The following RP1 variants were observed in gnomAD, a reference collection of about 807,000 sequenced individuals.
RP1 encodes the protein RP1 axonemal microtubule associated.
In RP1, 16 loss-of-function variants were observed where a neutral mutation model predicts 14.8. The observed-to-expected ratio is 1.08, with a 90% CI of 0.73 to 1.65. RP1 has a LOEUF of 1.65. RP1 is among the 40% of genes most tolerant of loss of function. The pLI is 0.00. For missense variants in RP1, 2,631 were observed against 2,535.0 expected, an observed-to-expected ratio of 1.04 and a Z score of -0.81; for synonymous variants, 876 against 883.6, an observed-to-expected ratio of 0.99 and a Z score of 0.15.
At chr8:54,725,771 G>A (rs1808639236) in intron 16 of RP1, among the ~76,000 whole-genome samples, 1 of 152,090 alleles carries the variant, frequency 6.6e-6, no homozygotes, top group Non-Finnish European at 1.5e-5. Context: ...ACTTGAATTT[G>A]AAATCCTAAA....
At chr8:54,747,810 A>G (rs1306426397) in intron 19 of RP1, among the ~76,000 whole-genome samples, 1 of 152,198 alleles carries the variant, frequency 6.6e-6, no homozygotes, top group Non-Finnish European at 1.5e-5. Flanking sequence ...CCTGGGTGAC[A>G]GAGGGAGACC....
At chr8:54,564,640 GAGA>G (rs1158465104) in intron 1 of RP1, among the ~76,000 whole-genome samples, 1 of 152,194 alleles carries the variant, frequency 6.6e-6, no homozygotes, top group East Asian at 1.9e-4. Context: ...TTTGGGGTTA[GAGA>G]AGAATTGCAG....
intron 24 of RP1, among the ~76,000 whole-genome samples, chr8:54,812,449 C>A (rs1811021008): frequency 6.6e-6 from 1 of 152,132 alleles, no homozygotes; most frequent in Non-Finnish European, 1.5e-5. Context: ...CCTTTGTTTG[C>A]TTTTAAAATG....
chr8:54,865,839 T>C (rs1030631149), exon 28 of RP1: 18 of 1,213,500 alleles, frequency 1.5e-5, no homozygotes, highest in Non-Finnish European at 9.3e-6. Context: ...ACACAGGTAA[T>C]GGATGGTTTC....
At chr8:54,592,668 C>T (rs902044208) in intron 1 of RP1, among the ~76,000 whole-genome samples, 2 of 152,130 alleles carry the variant, frequency 1.3e-5, no homozygotes, top group Non-Finnish European at 2.9e-5. Context: ...GCTTATTTTT[C>T]TTATATAACA....
chr8:54,681,643 T>A (rs1277618746), intron 12 of RP1, among the ~76,000 whole-genome samples: 1 of 151,818 alleles, frequency 6.6e-6, no homozygotes, highest in Non-Finnish European at 1.5e-5. Context: ...CACCTAGGCA[T>A]TAAGCCCAGC....
chr8:54,761,518 G>A (rs1459683382), intron 22 of RP1, among the ~76,000 whole-genome samples: 1 of 152,082 alleles, frequency 6.6e-6, no homozygotes, highest in Non-Finnish European at 1.5e-5. Flanking sequence ...TTACAGGCAT[G>A]AGCCACCGCA....
intron 28 of RP1, among the ~76,000 whole-genome samples, chr8:54,866,893 ATTAATTTATCCATCCATTTAATATG>A (rs1253350524): frequency 6.6e-6 from 1 of 152,208 alleles, no homozygotes; most frequent in Non-Finnish European, 1.5e-5. Flanking sequence ...CATTGTATAT[ATTAATTTATCCATCCATTTAATATG>A]TTAATTTATC....
At chr8:54,642,837 T>C (rs1191401126) in intron 3 of RP1, among the ~76,000 whole-genome samples, 1 of 152,168 alleles carries the variant, frequency 6.6e-6, no homozygotes, top group African/African-American at 2.4e-5. Context: ...TGTCAAACTG[T>C]GTTTGAGAAA....
intron 3 of RP1, among the ~76,000 whole-genome samples, chr8:54,639,858 T>G (rs1241294460): frequency 1.3e-5 from 2 of 152,200 alleles, no homozygotes; most frequent in Non-Finnish European, 2.9e-5. Context: ...TATATTCAGA[T>G]GTATGTCTTG....
Position 54,629,492 on chromosome 8 carries a change from C to T in RP1, c.5610C>T (p.Ser1870=), listed in dbSNP as rs762475732. 6.2e-7 allele frequency: 1 copy of T among 1,614,108 alleles called. No homozygotes were observed. The highest frequency in any genetic ancestry group is 2.2e-5 in the East Asian group (1 of 44,868). ...SERVCTSVTH[S]FISAGNKVYP... ...GAGTATGCACATCTGTCACTCATTC[C>T]TTTATTTCTGCTGGTAACAAAGTCT... is the stretch of plus-strand genomic sequence containing the variant. Residue 1870 remains serine (S), a synonymous_variant, in exon 4 of 4, where the codon TCC becomes TCT. Transcript: ENST00000220676.
At chr8:54,804,184 G>T (rs1294454067) in intron 24 of RP1, among the ~76,000 whole-genome samples, 6 of 151,912 alleles carry the variant, frequency 3.9e-5, no homozygotes, top group Non-Finnish European at 8.8e-5. Flanking sequence ...GAAAAACTAA[G>T]CTTCTTTGAA....
At chr8:54,841,185 T>G (rs1483996550) in intron 25 of RP1, among the ~76,000 whole-genome samples, 1 of 152,178 alleles carries the variant, frequency 6.6e-6, no homozygotes, top group Non-Finnish European at 1.5e-5. Context: ...ACCAATGAAC[T>G]GATACTTCCT....
intron 17 of RP1, among the ~76,000 whole-genome samples, chr8:54,734,122 C>T (rs1808856356): frequency 6.6e-6 from 1 of 152,000 alleles, no homozygotes; most frequent in African/African-American, 2.4e-5. Flanking sequence ...CTCAATTTGC[C>T]ACTTACCTAT....
downstream of RP1, among the ~76,000 whole-genome samples, chr8:54,773,972 A>G (rs946133560): frequency 1.3e-5 from 2 of 152,218 alleles, no homozygotes; most frequent in Non-Finnish European, 2.9e-5. Context: ...TTACCTATAC[A>G]TGCTTGGCTG....
At chr8:54,602,090 G>C (rs1805305622) in intron 1 of RP1, among the ~76,000 whole-genome samples, 1 of 152,186 alleles carries the variant, frequency 6.6e-6, no homozygotes, top group Admixed American at 6.6e-5. Context: ...CAACGTGCAG[G>C]TTTGTTACAT....
At chr8:54,833,321 A>C (rs761207439) in intron 24 of RP1, among the ~76,000 whole-genome samples, 2 of 151,896 alleles carry the variant, frequency 1.3e-5, no homozygotes, top group African/African-American at 2.4e-5. Context: ...GATATTGGCT[A>C]TTTTCAAGGG....
chr8:54,652,596 T>C (rs777475454), intron 4 of RP1, among the ~76,000 whole-genome samples: 2 of 152,188 alleles, frequency 1.3e-5, no homozygotes, highest in Non-Finnish European at 2.9e-5. Context: ...TGTTTCTCTA[T>C]TCAGTTCTGT....
Position 54,625,523 on chromosome 8 carries a change from T to C in RP1, c.1641T>C (p.Ala547=). 6.2e-7 allele frequency: 1 copy of C among 1,614,056 alleles called. No homozygotes were observed. The highest frequency in any genetic ancestry group is 8.5e-7 in the Non-Finnish European group (1 of 1,180,024). The stretch of plus-strand genomic sequence containing the variant: ...TGCTTAAGTCAAGTGCAATAAGTGC[T>C]GGTGTTATAGAAATTACAAGTCAGA... The part of the protein sequence containing the change: ...NSLLKSSAIS[A]GVIEITSQKM... Residue 547 remains alanine (A), a synonymous_variant, in exon 4 of 4, where the codon GCT becomes GCC. Transcript: ENST00000220676.
Sources: allele counts gnomAD v4.1 joint callset (sites outside exome capture counted in the v4.1 genomes callset), GRCh38; gene constraint gnomAD v4.1.1; transcripts MANE v1.5; gene names NCBI Gene and HGNC (gene_info 2026-07-23, HGNC 2026-07-21).